POU2F1: variants seen among roughly 807,000 people sequenced by gnomAD.
POU2F1 encodes the protein POU domain, class 2, transcription factor 1.
POU2F1 carries 16 observed loss-of-function variants against 84.9 expected under a neutral mutation model. That is an observed-to-expected ratio of 0.19 (90% CI 0.13 to 0.29). POU2F1 has a LOEUF of 0.29. Ranked by LOEUF, POU2F1 falls within the 10% of genes least tolerant of loss-of-function variation. The pLI is 1.00. For missense variants in POU2F1, 738 were observed against 942.6 expected, an observed-to-expected ratio of 0.78 and a Z score of 2.84; for synonymous variants, 368 against 368.3, an observed-to-expected ratio of 1.00 and a Z score of 0.01.
At chr1:167,240,023 A>G (rs1043478359) in intron 1 of POU2F1, among the ~76,000 whole-genome samples, 5 of 151,980 alleles carry the variant, frequency 3.3e-5, no homozygotes, top group African/African-American at 7.2e-5. Flanking sequence ...CTCAAATGCC[A>G]TAAAAGGAAA....
At chr1:167,235,434 T>G (rs1338413249) in intron 1 of POU2F1, among the ~76,000 whole-genome samples, 1 of 152,150 alleles carries the variant, frequency 6.6e-6, no homozygotes, top group Non-Finnish European at 1.5e-5. Context: ...AATTTATGAG[T>G]GTTGCTGGAA....
At position 167,362,041 on chromosome 1, in the gene POU2F1, A is replaced by G. The variant is rs146116135; in HGVS notation, c.128-3426A>G. On this transcript the variant is annotated intron_variant, in intron 2 of 15. Transcript: ENST00000367866. ...CAAGTGCTATTTGGTTTTGGCCCGC[A>G]ATGTACCTACCTCCACATTTCTAGC... Among the ~76,000 whole-genome samples, 201 of 152,058 alleles carry G rather than the reference A, an allele frequency of 1.3e-3. 1 individual carries two copies. The highest frequency in any genetic ancestry group is 2.1e-3 in the Non-Finnish European group (145 of 67,974).
At chr1:167,311,773 T>TTTAC (rs1655492748) in intron 1 of POU2F1, among the ~76,000 whole-genome samples, 1 of 77,510 alleles carries the variant, frequency 1.3e-5, no homozygotes, top group Non-Finnish European at 3.0e-5. Context: ...CAAAAAATCA[T>TTTAC]TTATTTATTT....
intron 1 of POU2F1, among the ~76,000 whole-genome samples, chr1:167,300,788 G>A (rs1654635884): frequency 1.3e-5 from 2 of 150,640 alleles, no homozygotes; most frequent in South Asian, 4.2e-4. Flanking sequence ...TTATTTTTTT[G>A]GAGACGGAGT....
At chr1:167,398,196 T>C in intron 11 of POU2F1, 63 bp downstream of exon 11, 1 of 1,521,408 alleles carries the variant, frequency 6.6e-7, no homozygotes, top group Non-Finnish European at 8.9e-7. Flanking sequence ...CATTAGTACT[T>C]AGTAGAAACT....
At chr1:167,268,394 T>C (rs2102459252) in intron 1 of POU2F1, among the ~76,000 whole-genome samples, 1 of 152,250 alleles carries the variant, frequency 6.6e-6, no homozygotes, top group South Asian at 2.1e-4. Context: ...TTCCTTTCTG[T>C]TTGTGTGTCT....
At chr1:167,378,196 C>A (rs1571402004) in intron 7 of POU2F1, among the ~76,000 whole-genome samples, 1 of 152,264 alleles carries the variant, frequency 6.6e-6, no homozygotes, top group East Asian at 1.9e-4. Context: ...TCTCCACAAC[C>A]TCGCCAGCAT....
chr1:167,365,179 C>T (rs969509028), intron 2 of POU2F1, among the ~76,000 whole-genome samples: 1 of 152,186 alleles, frequency 6.6e-6, no homozygotes, highest in African/African-American at 2.4e-5. Flanking sequence ...GCTCCAGTTG[C>T]TGCATTCACA....
intron 7 of POU2F1, chr1:167,380,592 A>G (rs1378805019): frequency 3.3e-5 from 5 of 152,208 alleles, no homozygotes; most frequent in Admixed American, 2.0e-4. Flanking sequence ...CATTTCTAAG[A>G]ATTGAATTCA....
chr1:167,258,823 G>T (rs1651339766), intron 1 of POU2F1, among the ~76,000 whole-genome samples: 1 of 152,190 alleles, frequency 6.6e-6, no homozygotes, highest in South Asian at 2.1e-4. Flanking sequence ...CTAATGAGAA[G>T]AATAGAATTA....
intron 1 of POU2F1, among the ~76,000 whole-genome samples, chr1:167,229,646 A>G (rs977675908): frequency 2.6e-5 from 4 of 152,190 alleles, no homozygotes; most frequent in African/African-American, 7.2e-5. Context: ...TAGCAGAAGC[A>G]TTTTTAAAGT....
At chr1:167,301,175 G>A (rs1217344357) in intron 1 of POU2F1, among the ~76,000 whole-genome samples, 1 of 148,370 alleles carries the variant, frequency 6.7e-6, no homozygotes, top group African/African-American at 2.6e-5. Flanking sequence ...ACTTTATATT[G>A]GTTCTCTCTC....
chr1:167,290,518 A>G (rs4656538), intron 1 of POU2F1, among the ~76,000 whole-genome samples: 61,769 of 152,192 alleles, frequency 0.41, 14,956 homozygotes, highest in East Asian at 0.7. Flanking sequence ...TACAGATTCT[A>G]TATGTCTGTC....
chr1:167,378,621 G>T (rs1018588182), intron 7 of POU2F1, among the ~76,000 whole-genome samples: 2 of 151,634 alleles, frequency 1.3e-5, no homozygotes, highest in African/African-American at 4.8e-5. Context: ...GGCCAGGCTG[G>T]TCTCAAACTC....
chr1:167,248,655 T>C (rs1260668593), intron 1 of POU2F1, among the ~76,000 whole-genome samples: 4 of 152,110 alleles, frequency 2.6e-5, no homozygotes, highest in East Asian at 1.9e-4. Context: ...TGAGGGATAA[T>C]AGGAATTAGG....
intron 1 of POU2F1, among the ~76,000 whole-genome samples, chr1:167,239,386 T>C (rs1056481265): frequency 2.0e-5 from 3 of 152,228 alleles, no homozygotes; most frequent in African/African-American, 7.2e-5. Context: ...AATACAGTGC[T>C]TATCTGGTAT....
In POU2F1 at chr1:167,258,340, C is replaced by T. The variant is rs182902012; in HGVS notation, c.61+37382C>T. ...TAGCAACTTTCTTCATATTTCTTCC[C>T]CTTCTGAATGTGCCACACTGTATGC... On this transcript the variant is annotated intron_variant, in intron 1 of 15. Transcript: ENST00000367866. 4.6e-5 allele frequency among the ~76,000 whole-genome samples: 7 copies of T among 152,294 alleles called. No homozygotes were observed. The East Asian group carries it at 1.2e-3, about 25-fold the overall frequency.
At chr1:167,389,495 T>A in intron 8 of POU2F1, 93 bp from the exon 9 acceptor site, 2 of 1,377,240 alleles carry the variant, frequency 1.5e-6, no homozygotes, top group South Asian at 1.3e-5. Flanking sequence ...TCGTTATCCA[T>A]AAATGTGGCT....
chr1:167,221,101 C>T (rs1417149888), intron 1 of POU2F1, 143 bp downstream of exon 1: 19 of 813,332 alleles, frequency 2.3e-5, no homozygotes, highest in East Asian at 1.9e-4. Context: ...GAGCATTGAG[C>T]CCCCGCCGGG....
Sources: gnomAD v4.1 joint callset for allele counts (sites outside exome capture counted in the v4.1 genomes callset) on GRCh38, gnomAD v4.1.1 for gene constraint, MANE v1.5 for transcripts, NCBI Gene and HGNC (gene_info 2026-07-23, HGNC 2026-07-21) for gene names.